PATJ: variants seen among roughly 807,000 people sequenced by gnomAD.
The protein encoded by PATJ is PATJ crumbs cell polarity complex component.
PATJ carries 190 observed loss-of-function variants against 224.9 expected under a neutral mutation model. The ratio of observed to expected loss-of-function variants is 0.84; its 90% confidence interval spans 0.75 to 0.95. The LOEUF (loss-of-function observed/expected upper bound fraction) is 0.95, where lower values mean the gene tolerates loss of function less well. PATJ is among the 40% of genes least tolerant of loss of function. The pLI is 0.00. For synonymous variants in PATJ, 769 were observed against 820.3 expected (o/e 0.94, Z 1.07); for missense variants, 2,121 against 2,270.3 (o/e 0.93, Z 1.34).
chr1:61,910,807 A>G (rs1234715473), intron 25 of PATJ, among the ~76,000 whole-genome samples: 1 of 151,760 alleles, frequency 6.6e-6, no homozygotes, highest in East Asian at 1.9e-4. Flanking sequence ...TTGGCCTCCC[A>G]AAGTGTTGGG....
In PATJ at chr1:61,919,885, G is replaced by A. The variant is rs922621810; in HGVS notation, c.3570+5221G>A. ...ACATTGGTTGAGACATGTTTTTAAT[G>A]GCCTAGTACATAGTTATTATGAAAT... On this transcript the variant is annotated intron_variant, in intron 26 of 43. Transcript: ENST00000642238. 5.9e-5 allele frequency among the ~76,000 whole-genome samples: 9 copies of A among 152,148 alleles called. No individual in the cohort carries two copies. The East Asian group carries it at 1.7e-3, about 29-fold the overall frequency.
chr1:61,999,150 A>G (rs1443483220), intron 28 of PATJ, among the ~76,000 whole-genome samples: 2 of 152,100 alleles, frequency 1.3e-5, no homozygotes, highest in African/African-American at 4.8e-5. Context: ...TGGAAGGAGT[A>G]ATTTTCAGCA....
rs371829338 is a variant in PATJ, at chr1:62,084,508, T to C, written c.4244-7T>C. On this transcript the variant is annotated splice_polypyrimidine_tract_variant and splice_region_variant and intron_variant, in intron 32 of 43. Transcript: ENST00000642238. ...TGCCAGTCATGCTGTGTTCAATTCT[T>C]TTCCAGGTGGTTTCCAGGCTCCTCT... 5.8e-5 allele frequency: 93 copies of C among 1,608,148 alleles called. No homozygotes were observed. The highest frequency in any genetic ancestry group is 7.1e-5 in the Non-Finnish European group (84 of 1,178,220).
At chr1:61,894,336 A>G (rs1047046400) in intron 22 of PATJ, among the ~76,000 whole-genome samples, 5 of 152,164 alleles carry the variant, frequency 3.3e-5, no homozygotes, top group Non-Finnish European at 5.9e-5. Flanking sequence ...AGTAATGTCC[A>G]TATTATAAAA....
chr1:62,023,676 A>G (rs1001385250), intron 29 of PATJ, among the ~76,000 whole-genome samples: 7 of 152,210 alleles, frequency 4.6e-5, no homozygotes, highest in African/African-American at 1.7e-4. Flanking sequence ...GATGTATAGA[A>G]ACCCAAAGAT....
rs80224559 is a variant in PATJ at position 61,884,170 on chromosome 1, A to G, written c.2960-67A>G. The G allele has an allele frequency of 1.8e-3, 2,242 of 1,237,096 alleles. 27 individuals carry two copies. The African/African-American group carries it at 0.029, about 16-fold the overall frequency. The allele number at this position is 1,237,096 out of a possible 1,614,324, so 76.6% of individuals were successfully genotyped here. Reference sequence around the variant, plus strand: ...CCTCCCATAGTAGGTGCCCATACCTAGTTGTTGAATGACTAAAGGAGAATG... The same window carrying G: ...CCTCCCATAGTAGGTGCCCATACCTGGTTGTTGAATGACTAAAGGAGAATG... On this transcript the variant is annotated intron_variant, in intron 21 of 43. Coordinates refer to ENST00000642238, the MANE Select transcript of PATJ (RefSeq NM_001350145.3).
At chr1:61,845,408 A>G (rs975473009) in intron 17 of PATJ, among the ~76,000 whole-genome samples, 4 of 152,184 alleles carry the variant, frequency 2.6e-5, no homozygotes, top group African/African-American at 9.7e-5. Flanking sequence ...AGAAATTTCT[A>G]GTTATTTTGT....
chr1:61,943,975 A>G (rs541628607), intron 27 of PATJ, among the ~76,000 whole-genome samples: 82 of 152,310 alleles, frequency 5.4e-4, no homozygotes, highest in African/African-American at 1.9e-3. Context: ...GTGGACCCCC[A>G]GCAAACTCCA....
chr1:61,827,595 A>G lies in PATJ; in HGVS notation c.1980+12A>G. On this transcript the variant is annotated intron_variant, in intron 16 of 43. Transcript: ENST00000642238. ...TTCCTGAGACAGAGGTACTAAATGA[A>G]TATAGTGCATTTCCCATAGGCATGC... is the stretch of plus-strand genomic sequence containing the variant. 6.2e-7 allele frequency: 1 copy of G among 1,611,588 alleles called. No homozygotes were observed. The highest frequency in any genetic ancestry group is 2.2e-5 in the East Asian group (1 of 44,828).
intron 27 of PATJ, among the ~76,000 whole-genome samples, chr1:61,942,918 C>T (rs10889276): frequency 0.043 from 6,582 of 152,134 alleles, 525 homozygotes; most frequent in African/African-American, 0.15. Context: ...AGGTATATAC[C>T]CAAATGAAAT....
intron 33 of PATJ, among the ~76,000 whole-genome samples, chr1:62,106,552 A>G (rs1352530364): frequency 6.6e-6 from 1 of 151,942 alleles, no homozygotes; most frequent in African/African-American, 2.4e-5. Flanking sequence ...TATTTTGTCT[A>G]TCTTGTCACA....
chr1:61,747,277 T>C (rs1032702308), intron 1 of PATJ, among the ~76,000 whole-genome samples: 15 of 152,180 alleles, frequency 9.9e-5, no homozygotes, highest in African/African-American at 3.1e-4. Context: ...AGAAATTTAG[T>C]GCCTGTCAAT....
intron 27 of PATJ, chr1:61,952,076 TCCAA>T (rs1679767069): frequency 3.4e-5 from 12 of 355,914 alleles, no homozygotes; most frequent in Non-Finnish European, 1.0e-5. Context: ...GCGTGAAGCA[TCCAA>T]GGGTCTGATG....
intron 41 of PATJ, among the ~76,000 whole-genome samples, chr1:62,144,107 A>T (rs985966662): frequency 1.3e-5 from 2 of 152,196 alleles, no homozygotes; most frequent in Non-Finnish European, 2.9e-5. Flanking sequence ...GGCAGGGAGA[A>T]ATCTATCGTT....
At chr1:62,009,899 A>G (rs1351350447) in intron 28 of PATJ, among the ~76,000 whole-genome samples, 1 of 151,910 alleles carries the variant, frequency 6.6e-6, no homozygotes, top group African/African-American at 2.4e-5. Flanking sequence ...CCTGGCCAAT[A>G]TGGTGAAACC....
intron 17 of PATJ, among the ~76,000 whole-genome samples, chr1:61,844,856 G>A (rs1298766507): frequency 6.6e-6 from 1 of 152,060 alleles, no homozygotes; most frequent in African/African-American, 2.4e-5. Flanking sequence ...TCTCTCTCCT[G>A]CTGCTGTGTA....
chr1:61,806,675 A>G (rs933093885), intron 13 of PATJ, among the ~76,000 whole-genome samples: 2 of 151,216 alleles, frequency 1.3e-5, no homozygotes, highest in Non-Finnish European at 2.9e-5. Context: ...TGGTAACTTT[A>G]TGCCTGTGTG....
intron 41 of PATJ, among the ~76,000 whole-genome samples, chr1:62,143,311 A>G (rs1667679746): frequency 6.6e-6 from 1 of 152,154 alleles, no homozygotes; most frequent in South Asian, 2.1e-4. Flanking sequence ...AAACTAGAAG[A>G]AAAGTGAATT....
chr1:61,959,721 T>C (rs1681000669), intron 27 of PATJ, among the ~76,000 whole-genome samples: 1 of 152,096 alleles, frequency 6.6e-6, no homozygotes, highest in South Asian at 2.1e-4. Context: ...GGAGCCATGG[T>C]TCCCAGCCTC....
Sources: allele counts gnomAD v4.1 joint callset (sites outside exome capture counted in the v4.1 genomes callset), GRCh38; gene constraint gnomAD v4.1.1; transcripts MANE v1.5; gene names NCBI Gene and HGNC (gene_info 2026-07-23, HGNC 2026-07-21).